The following GFRA1 variants were observed in gnomAD, a reference collection of about 807,000 sequenced individuals.
The protein encoded by GFRA1 is GDNF family receptor alpha-1.
Under a neutral mutation model 51.6 loss-of-function variants are expected in GFRA1, and 16 were observed. The ratio of observed to expected loss-of-function variants is 0.31; its 90% CI spans 0.21 to 0.47. GFRA1 has a LOEUF of 0.47. GFRA1 is among the 20% of genes least tolerant of loss of function. The pLI is 1.00. For missense variants in GFRA1, 530 were observed against 594.3 expected, an observed-to-expected ratio of 0.89 and a Z score of 1.13; for synonymous variants, 270 against 241.3, an observed-to-expected ratio of 1.12 and a Z score of -1.10.
intron 5 of GFRA1, among the ~76,000 whole-genome samples, chr10:116,172,033 C>T (rs1041863216): frequency 1.3e-5 from 2 of 152,092 alleles, no homozygotes. Context: ...TTCCCTTGTC[C>T]CTAGAATACA....
Position 116,093,712 on chromosome 10 carries a change from A to G in GFRA1, c.1005T>C (p.Asn335=), listed in dbSNP as rs1426686419. 2 of 1,613,888 alleles carry G rather than the reference A, an allele frequency of 1.2e-6. No individual in the cohort carries two copies. Among genetic ancestry groups the G allele is most frequent in the Non-Finnish European group, 1.7e-6 (2 of 1,179,764 alleles). ...TTTTTACAAACTCACTAAGACATGT[A>G]TTGTCCTTGAAGAAATTCAAAAATT... ...CLKFLNFFKD[N]TCLKNAIQAF... Residue 335 remains asparagine (N), a synonymous_variant, in exon 8 of 11, where the codon AAT becomes AAC. Transcript: ENST00000355422.
chr10:116,082,805 C>T (rs532850922), intron 9 of GFRA1, among the ~76,000 whole-genome samples: 17 of 152,256 alleles, frequency 1.1e-4, no homozygotes, highest in Admixed American at 9.8e-4. Context: ...ATTAAGAAGA[C>T]ACAATACAAT....
chr10:116,245,232 A>G (rs1329753896), intron 4 of GFRA1, among the ~76,000 whole-genome samples: 2 of 152,262 alleles, frequency 1.3e-5, no homozygotes, highest in Non-Finnish European at 2.9e-5. Flanking sequence ...TGACATTAAG[A>G]AAACGACTCA....
intron 4 of GFRA1, among the ~76,000 whole-genome samples, chr10:116,233,241 T>A (rs572327322): frequency 6.6e-6 from 1 of 151,668 alleles, no homozygotes; most frequent in African/African-American, 2.4e-5. Context: ...GGCAGGAGCA[T>A]CCCTTGAACC....
intron 4 of GFRA1, among the ~76,000 whole-genome samples, chr10:116,257,993 C>T (rs1294514642): frequency 2.6e-5 from 4 of 152,190 alleles, no homozygotes; most frequent in African/African-American, 7.2e-5. Context: ...ATCCATTCCA[C>T]AAAAGCCAGC....
At chr10:116,169,234 T>G (rs1274719017) in intron 5 of GFRA1, among the ~76,000 whole-genome samples, 1 of 152,258 alleles carries the variant, frequency 6.6e-6, no homozygotes, top group Non-Finnish European at 1.5e-5. Flanking sequence ...TGACTAGAGT[T>G]CACTTTTTGC....
intron 4 of GFRA1, among the ~76,000 whole-genome samples, chr10:116,240,358 G>A (rs1967256927): frequency 6.6e-6 from 1 of 152,116 alleles, no homozygotes. Flanking sequence ...AGCTCAGCTG[G>A]CGCTCCACCC....
intron 4 of GFRA1, among the ~76,000 whole-genome samples, chr10:116,262,083 C>A (rs1291855048): frequency 1.3e-5 from 2 of 152,196 alleles, no homozygotes; most frequent in Non-Finnish European, 2.9e-5. Flanking sequence ...CAAGCTTCGA[C>A]AGCAGAAAAA....
intron 6 of GFRA1, among the ~76,000 whole-genome samples, chr10:116,118,583 C>T (rs1274995668): frequency 2.0e-5 from 3 of 152,170 alleles, no homozygotes; most frequent in African/African-American, 7.2e-5. Context: ...AGACCCTCTG[C>T]TGTGACACTG....
intron 4 of GFRA1, among the ~76,000 whole-genome samples, chr10:116,222,366 T>C (rs1222783680): frequency 1.4e-4 from 21 of 152,182 alleles, no homozygotes; most frequent in Admixed American, 2.0e-4. Context: ...ACCTGGCTAA[T>C]TTTTGTATTT....
chr10:116,090,000 G>T, intron 8 of GFRA1, 78 bp from the exon 9 acceptor site: 1 of 1,295,292 alleles, frequency 7.7e-7, no homozygotes, highest in Non-Finnish European at 1.1e-6. Context: ...AGCCAGAGAG[G>T]CACACTAGAA....
At position 116,141,700 on chromosome 10, in the gene GFRA1, C is replaced by T. The variant is rs182905669; in HGVS notation, c.434-16143G>A. Among the ~76,000 whole-genome samples, 427 of 152,240 alleles carry T rather than the reference C, an allele frequency of 2.8e-3. 3 individuals are homozygous for T. Among genetic ancestry groups the T allele is most frequent in the African/African-American group, 0.01 (416 of 41,548 alleles). On this transcript the variant is annotated intron_variant, in intron 5 of 10. Transcript: ENST00000355422. ...CCGGGTTCAAGTGAGTCTCCTGCCT[C>T]AGCCTCCTGAGTAGCTGGGATTACG...
intron 6 of GFRA1, among the ~76,000 whole-genome samples, chr10:116,115,597 C>T (rs908332106): frequency 3.3e-5 from 5 of 152,156 alleles, no homozygotes; most frequent in African/African-American, 7.2e-5. Context: ...ACTAAGGGGA[C>T]AGATTTCCCC....
intron 5 of GFRA1, among the ~76,000 whole-genome samples, chr10:116,162,623 G>A (rs1204382138): frequency 6.6e-6 from 1 of 152,240 alleles, no homozygotes; most frequent in Non-Finnish European, 1.5e-5. Flanking sequence ...TAATGGAGGA[G>A]CTCACAGCGA....
At chr10:116,202,667 G>A (rs1009763716) in intron 5 of GFRA1, among the ~76,000 whole-genome samples, 3 of 152,140 alleles carry the variant, frequency 2.0e-5, no homozygotes, top group Non-Finnish European at 4.4e-5. Flanking sequence ...GAGAGAGAGA[G>A]AGCTAAGGGG....
chr10:116,165,980 G>C (rs1410996003), intron 5 of GFRA1, among the ~76,000 whole-genome samples: 1 of 152,120 alleles, frequency 6.6e-6, no homozygotes, highest in Non-Finnish European at 1.5e-5. Context: ...CTCATTGTGT[G>C]TTGTTCCCCT....
intron 5 of GFRA1, among the ~76,000 whole-genome samples, chr10:116,209,828 G>T (rs902843182): frequency 6.6e-6 from 1 of 151,946 alleles, no homozygotes; most frequent in East Asian, 1.9e-4. Flanking sequence ...GGGTACCAGC[G>T]GGCGAGTTCT....
At chr10:116,162,806 G>GA (rs994871940) in intron 5 of GFRA1, among the ~76,000 whole-genome samples, 62 of 151,136 alleles carry the variant, frequency 4.1e-4, no homozygotes, top group South Asian at 1.7e-3. Flanking sequence ...ATAAAAGAAA[G>GA]AAAAAAAAAA....
At chr10:116,233,460 T>A (rs1966809535) in intron 4 of GFRA1, among the ~76,000 whole-genome samples, 1 of 152,060 alleles carries the variant, frequency 6.6e-6, no homozygotes, top group Admixed American at 6.5e-5. Flanking sequence ...CTCAGAGCAA[T>A]CAAGTTTATG....
Sources: allele counts gnomAD v4.1 joint callset (sites outside exome capture counted in the v4.1 genomes callset), GRCh38; gene constraint gnomAD v4.1.1; transcripts MANE v1.5; gene names NCBI Gene and HGNC (gene_info 2026-07-23, HGNC 2026-07-21).